The following CREG2 variants were observed in gnomAD, a reference collection of about 807,000 sequenced individuals.
The protein encoded by CREG2 is protein CREG2.
A neutral mutation model predicts 26.2 loss-of-function variants in CREG2; 24 were observed. The ratio of observed to expected loss-of-function variants is 0.92; its 90% CI spans 0.66 to 1.29. The LOEUF (loss-of-function observed/expected upper bound fraction) is 1.29. CREG2 is among the 50% of genes most tolerant of loss of function. The pLI is 0.00. For synonymous variants in CREG2, 174 were observed against 169.2 expected (o/e 1.03, Z -0.22); for missense variants, 366 against 398.6 (o/e 0.92, Z 0.70).
At chr2:101,366,245 C>T (rs1684616029) in intron 2 of CREG2, among the ~76,000 whole-genome samples, 1 of 152,214 alleles carries the variant, frequency 6.6e-6, no homozygotes, top group African/African-American at 2.4e-5. Context: ...GTTCCAGAAT[C>T]ACTATGTAAG....
In CREG2 at chr2:101,349,979, G is replaced by A. The variant is rs576575733; in HGVS notation, c.*944C>T. ...CTTGTCTGTAAGAGCCAATGATGAC[G>A]TGCATCTCATTGGTTGCAGGGCTTA... On this transcript the variant is annotated 3_prime_UTR_variant, in exon 4 of 4. Transcript: ENST00000324768. 3 of 152,344 alleles carry A rather than the reference G, an allele frequency of 2.0e-5. No homozygotes were observed. The highest frequency in any genetic ancestry group is 7.2e-5 in the African/African-American group (3 of 41,576). The allele number at this position is 152,344 out of a possible 1,614,324, so 9.4% of individuals were successfully genotyped here.
chr2:101,376,216 A>T (rs1363665583), intron 2 of CREG2, among the ~76,000 whole-genome samples: 2 of 152,198 alleles, frequency 1.3e-5, no homozygotes, highest in Non-Finnish European at 2.9e-5. Flanking sequence ...AATAACAGAG[A>T]AGTCCGTTGA....
intron 2 of CREG2, among the ~76,000 whole-genome samples, chr2:101,380,896 A>G (rs1408952319): frequency 6.6e-6 from 1 of 151,980 alleles, no homozygotes; most frequent in Non-Finnish European, 1.5e-5. Flanking sequence ...GTGAGCTGAG[A>G]TTGAGCCACT....
rs749865570 is a variant in CREG2, at chr2:101,355,334, C to T, written c.644G>A (p.Cys215Tyr). The T allele has an allele frequency of 4.3e-6, 7 of 1,613,880 alleles. No individual in the cohort carries two copies. The highest frequency in any genetic ancestry group is 1.7e-4 in the Middle Eastern group (1 of 6,060). The stretch of plus-strand genomic sequence containing the variant: ...CTGGCCAGTGAGCGTTAACTGGACA[C>T]ATCGGGGATCTTCCGGATCAACGAT... ...KNIVDPEDPR[C>Y]VQLTLTGQMI... The change falls in exon 3 of 4, where the codon TGT (cysteine) becomes TAT (tyrosine). Residue 215 changes from cysteine to tyrosine, a missense_variant. Coordinates refer to ENST00000324768, the MANE Select transcript of CREG2 (RefSeq NM_153836.4).
intron 2 of CREG2, among the ~76,000 whole-genome samples, chr2:101,367,529 A>G (rs1684636229): frequency 6.6e-6 from 1 of 152,236 alleles, no homozygotes; most frequent in South Asian, 2.1e-4. Context: ...CCATGTTTCT[A>G]TCTCCAGTTG....
chr2:101,377,950 G>T (rs1385631052), intron 2 of CREG2, among the ~76,000 whole-genome samples: 2 of 152,100 alleles, frequency 1.3e-5, no homozygotes, highest in Non-Finnish European at 2.9e-5. Context: ...GTCAAATAAA[G>T]ATTGAATATA....
intron 2 of CREG2, among the ~76,000 whole-genome samples, chr2:101,368,621 A>G (rs1048055979): frequency 3.9e-5 from 6 of 152,244 alleles, no homozygotes; most frequent in Admixed American, 2.0e-4. Context: ...CTGAGAGTCA[A>G]TGAAGTTCTG....
At position 101,386,647 on chromosome 2, in the gene CREG2, G is replaced by T. The variant is rs192088987; in HGVS notation, c.441+370C>A. Among the ~76,000 whole-genome samples the T allele has an allele frequency of 1.2e-3, 185 of 152,206 alleles. 1 individual carries two copies. The East Asian group carries it at 0.034, about 28-fold the overall frequency. On this transcript the variant is annotated intron_variant, in intron 1 of 3. Transcript: ENST00000324768. Reference sequence around the variant, plus strand: ...TCTATGGGTTTGTGCCCTGCGCTGGGAAGGGCTGTCCCCGCCTACTCTGCG... The same window carrying T: ...TCTATGGGTTTGTGCCCTGCGCTGGTAAGGGCTGTCCCCGCCTACTCTGCG...
chr2:101,376,304 G>A lies in CREG2; in HGVS notation c.611+7229C>T, dbSNP rs1428480584. On this transcript the variant is annotated intron_variant, in intron 2 of 3. Transcript: ENST00000324768. ...TTTTCTTTTTTTTTTTTAACACAGA[G>A]TGTCACTCTGTTGCCCAAGCCGGAG... is the stretch of plus-strand genomic sequence containing the variant. Among the ~76,000 whole-genome samples, 4 of 149,762 alleles carry A rather than the reference G, an allele frequency of 2.7e-5. No individual in the cohort carries two copies. In the East Asian group the frequency reaches 5.9e-4, roughly 22 times the overall value.
intron 2 of CREG2, among the ~76,000 whole-genome samples, chr2:101,371,644 A>G (rs537759294): frequency 6.6e-6 from 1 of 152,272 alleles, no homozygotes; most frequent in Admixed American, 6.5e-5. Context: ...GTCTCATCTT[A>G]TTTTACAGGG....
At chr2:101,355,786 G>A (rs1684448680) in intron 2 of CREG2, among the ~76,000 whole-genome samples, 1 of 152,096 alleles carries the variant, frequency 6.6e-6, no homozygotes, top group Non-Finnish European at 1.5e-5. Context: ...CAGGAGCTGG[G>A]GTGAGTGCCT....
intron 2 of CREG2, among the ~76,000 whole-genome samples, chr2:101,360,811 G>A (rs1025940636): frequency 6.6e-6 from 1 of 151,950 alleles, no homozygotes; most frequent in Non-Finnish European, 1.5e-5. Context: ...TTGTTAAGTT[G>A]TAAATTTTTC....
chr2:101,353,239 C>T (rs11123873), intron 3 of CREG2, among the ~76,000 whole-genome samples: 35,306 of 152,140 alleles, frequency 0.23, 4,853 homozygotes, highest in South Asian at 0.36. Flanking sequence ...GCTTCTTTTG[C>T]TGTGCAGAAG....
At chr2:101,375,544 G>A (rs988812426) in intron 2 of CREG2, 3 of 153,386 alleles carry the variant, frequency 2.0e-5, no homozygotes, top group African/African-American at 7.2e-5. Context: ...AAACTAGCAT[G>A]TGTCCAAAAC....
Position 101,347,782 on chromosome 2 carries a change from C to T in CREG2, c.*3141G>A, listed in dbSNP as rs529411063. On this transcript the variant is annotated 3_prime_UTR_variant, in exon 4 of 4. Coordinates refer to ENST00000324768, the MANE Select transcript of CREG2 (RefSeq NM_153836.4). Reference sequence around the variant, plus strand: ...CCAGTATGTGGCCTGTCTTCTCGGCCTTTTAACATGGTCTTTTGCAGAACA... The same window carrying T: ...CCAGTATGTGGCCTGTCTTCTCGGCTTTTTAACATGGTCTTTTGCAGAACA... 1 of 152,244 alleles carries T rather than the reference C, an allele frequency of 6.6e-6. No individual in the cohort carries two copies. The highest frequency in any genetic ancestry group is 1.9e-4 in the East Asian group (1 of 5,184). The allele number at this position is 152,244 out of a possible 1,614,324, so 9.4% of individuals were successfully genotyped here. A position where few individuals can be genotyped will look rare whatever the true frequency, so the allele number is the denominator to read the frequency against.
rs1295417523 is a variant in CREG2 at position 101,349,888 on chromosome 2, A to ACCACT, written c.*1030_*1034dup. 2.0e-5 allele frequency: 3 copies of ACCACT among 152,074 alleles called. No homozygotes were observed. Among genetic ancestry groups the ACCACT allele is most frequent in the Non-Finnish European group, 4.4e-5 (3 of 68,012 alleles). The allele number at this position is 152,074 out of a possible 1,614,324, so 9.4% of individuals were successfully genotyped here. On this transcript the variant is annotated 3_prime_UTR_variant, in exon 4 of 4. Coordinates refer to ENST00000324768, the MANE Select transcript of CREG2 (RefSeq NM_153836.4). ...TGTTAAAACTGGATGTCTTGTAGGA[A>ACCACT]CCACTCCACCTGTGTCTGCAGTGAG...
intron 2 of CREG2, among the ~76,000 whole-genome samples, chr2:101,381,455 C>T (rs191256429): frequency 6.6e-6 from 1 of 152,244 alleles, no homozygotes; most frequent in South Asian, 2.1e-4. Context: ...AGGTGAGTCA[C>T]ATCTGGGCTT....
chr2:101,379,520 T>A (rs1461249006), intron 2 of CREG2, among the ~76,000 whole-genome samples: 2 of 152,182 alleles, frequency 1.3e-5, no homozygotes, highest in Admixed American at 6.5e-5. Context: ...GATCTAACTT[T>A]ATCTTTAAGA....
In CREG2 at chr2:101,347,869, G is replaced by A. The variant is rs1314313499; in HGVS notation, c.*3054C>T. 1 of 152,088 alleles carries A rather than the reference G, an allele frequency of 6.6e-6. No homozygotes were observed. Among genetic ancestry groups the A allele is most frequent in the African/African-American group, 2.4e-5 (1 of 41,410 alleles). 9.4% of individuals were successfully genotyped at this position (152,088 alleles called of 1,614,324 possible). Reference sequence around the variant, plus strand: ...TTTTCTTTTATGAATTGTGCTTTTGGTATCAAGTCTAACAACCCTTTGCTT... The same window carrying A: ...TTTTCTTTTATGAATTGTGCTTTTGATATCAAGTCTAACAACCCTTTGCTT... On this transcript the variant is annotated 3_prime_UTR_variant, in exon 4 of 4. Transcript: ENST00000324768.
Sources: allele counts gnomAD v4.1 joint callset (sites outside exome capture counted in the v4.1 genomes callset), GRCh38; gene constraint gnomAD v4.1.1; transcripts MANE v1.5; gene names NCBI Gene and HGNC (gene_info 2026-07-23, HGNC 2026-07-21).